Variants in CDH12 observed in about 807,000 individuals in gnomAD.
CDH12 encodes the protein cadherin 12.
CDH12 carries 41 observed loss-of-function variants against 74.1 expected under a neutral mutation model. The ratio of observed to expected loss-of-function variants is 0.55; its 90% CI spans 0.43 to 0.72. The LOEUF (loss-of-function observed/expected upper bound fraction) is 0.72, where lower values mean the gene tolerates loss of function less well. Among genes scored for constraint, CDH12 ranks in the 30% least tolerant of loss-of-function variants. The pLI is 0.00. For missense variants in CDH12, 945 were observed against 977.2 expected, an observed-to-expected ratio of 0.97 and a Z score of 0.44; for synonymous variants, 399 against 355.0, an observed-to-expected ratio of 1.12 and a Z score of -1.39.
intron 3 of CDH12, among the ~76,000 whole-genome samples, chr5:22,396,051 T>C (rs879728316): frequency 2.9e-5 from 4 of 139,554 alleles, no homozygotes; most frequent in Admixed American, 2.8e-4. Flanking sequence ...GATGATTGAA[T>C]CCTTGATTTA....
chr5:21,821,033 T>C (rs934635007), intron 8 of CDH12, among the ~76,000 whole-genome samples: 3 of 151,988 alleles, frequency 2.0e-5, no homozygotes, highest in African/African-American at 7.2e-5. Context: ...GGAAATTGCA[T>C]GCAGTGAACT....
intron 4 of CDH12, among the ~76,000 whole-genome samples, chr5:22,096,287 T>G (rs1302176784): frequency 6.6e-6 from 1 of 152,108 alleles, no homozygotes; most frequent in Admixed American, 6.5e-5. Context: ...ATCTAAATAA[T>G]TCTTGTCGTA....
chr5:22,522,872 C>A (rs984378453), intron 1 of CDH12, among the ~76,000 whole-genome samples: 1 of 152,126 alleles, frequency 6.6e-6, no homozygotes, highest in Non-Finnish European at 1.5e-5. Context: ...TGATCTCACT[C>A]CCCTAATTCC....
chr5:21,966,849 T>C (rs2150114919), intron 6 of CDH12, among the ~76,000 whole-genome samples: 2 of 152,234 alleles, frequency 1.3e-5, no homozygotes, highest in East Asian at 3.9e-4. Context: ...TAGACCTTTA[T>C]GTAATAGCAT....
intron 1 of CDH12, among the ~76,000 whole-genome samples, chr5:22,721,584 G>A (rs561256749): frequency 5.1e-4 from 77 of 152,292 alleles, no homozygotes; most frequent in African/African-American, 1.8e-3. Flanking sequence ...TTGAGACTTT[G>A]GAGGACTGTT....
At chr5:22,203,238 A>T (rs1751020979) in intron 4 of CDH12, among the ~76,000 whole-genome samples, 1 of 152,088 alleles carries the variant, frequency 6.6e-6, no homozygotes. Context: ...TTCTTTCTAT[A>T]CATCTTTTTC....
chr5:21,868,559 C>T (rs1751453575), intron 6 of CDH12, among the ~76,000 whole-genome samples: 1 of 152,204 alleles, frequency 6.6e-6, no homozygotes, highest in South Asian at 2.1e-4. Context: ...ACATTATTCT[C>T]TACCTATAAG....
intron 1 of CDH12, among the ~76,000 whole-genome samples, chr5:22,707,775 T>G (rs1292319795): frequency 6.6e-6 from 1 of 152,190 alleles, no homozygotes; most frequent in Non-Finnish European, 1.5e-5. Flanking sequence ...ATTTTACATT[T>G]TGTGCTACAC....
chr5:22,540,676 AC>A (rs938666246), intron 1 of CDH12, among the ~76,000 whole-genome samples: 1 of 152,178 alleles, frequency 6.6e-6, no homozygotes, highest in African/African-American at 2.4e-5. Context: ...GCTTCCACCT[AC>A]ACATAAATTT....
intron 1 of CDH12, among the ~76,000 whole-genome samples, chr5:22,775,585 A>G (rs1007509191): frequency 6.6e-6 from 1 of 152,124 alleles, no homozygotes; most frequent in Non-Finnish European, 1.5e-5. Flanking sequence ...TAATATTAAC[A>G]TTGGGGTAAA....
chr5:22,608,703 C>T (rs1117377), intron 1 of CDH12, among the ~76,000 whole-genome samples: 74,472 of 151,906 alleles, frequency 0.49, 18,550 homozygotes, highest in Admixed American at 0.58. Context: ...GTGGAGATAA[C>T]TGGATCAGGG....
intron 5 of CDH12, among the ~76,000 whole-genome samples, chr5:21,995,813 GCATAAAAAAAAGCC>G (rs1411007898): frequency 6.6e-6 from 1 of 151,542 alleles, no homozygotes; most frequent in African/African-American, 2.4e-5. Flanking sequence ...GATGCTGATT[GCATAAAAAAAAGCC>G]CACAACTACT....
intron 1 of CDH12, among the ~76,000 whole-genome samples, chr5:22,610,427 C>T (rs1007195849): frequency 6.6e-6 from 1 of 152,018 alleles, no homozygotes; most frequent in African/African-American, 2.4e-5. Context: ...AAAAATAAAA[C>T]CGATCTAGTA....
At chr5:21,930,988 G>A (rs1754810893) in intron 6 of CDH12, among the ~76,000 whole-genome samples, 1 of 152,084 alleles carries the variant, frequency 6.6e-6, no homozygotes, top group Non-Finnish European at 1.5e-5. Flanking sequence ...GGGGAGCTGG[G>A]GAAAACAGGT....
At chr5:21,874,007 G>A (rs1415417933) in intron 6 of CDH12, among the ~76,000 whole-genome samples, 1 of 152,098 alleles carries the variant, frequency 6.6e-6, no homozygotes, top group Non-Finnish European at 1.5e-5. Flanking sequence ...GTCTATCATT[G>A]TTGGGCATTT....
At chr5:22,191,860 G>A (rs139013646) in intron 4 of CDH12, among the ~76,000 whole-genome samples, 1 of 152,064 alleles carries the variant, frequency 6.6e-6, no homozygotes, top group East Asian at 1.9e-4. Flanking sequence ...CACCGCGCCC[G>A]GCCCACCAAT....
At chr5:21,917,343 C>T (rs188466103) in intron 6 of CDH12, among the ~76,000 whole-genome samples, 6 of 152,100 alleles carry the variant, frequency 3.9e-5, no homozygotes, top group East Asian at 1.9e-4. Flanking sequence ...AGGGTGTGGA[C>T]GGGGCATCTT....
rs77889908 is a variant in CDH12, at chr5:22,197,442, G to A, written c.-187+15056C>T. Among the ~76,000 whole-genome samples, 131 of 152,208 alleles carry A rather than the reference G, an allele frequency of 8.6e-4. 3 individuals carry two copies. The highest frequency in any genetic ancestry group is 1.7e-3 in the South Asian group (8 of 4,830). ...AGCCTGGGCAACAGAGCGAGACACCGTCTCAAAATAAATAAATAAATACAT... is the reference window on the plus strand; with the variant it reads ...AGCCTGGGCAACAGAGCGAGACACCATCTCAAAATAAATAAATAAATACAT... On this transcript the variant is annotated intron_variant, in intron 4 of 14. Transcript: ENST00000382254.
chr5:22,118,438 C>T (rs1430920534), intron 4 of CDH12, among the ~76,000 whole-genome samples: 3 of 152,014 alleles, frequency 2.0e-5, no homozygotes, highest in Non-Finnish European at 4.4e-5. Flanking sequence ...CCTCTTGTGA[C>T]TCTGGCCTAG....
Sources: gnomAD v4.1 joint callset for allele counts (sites outside exome capture counted in the v4.1 genomes callset) on GRCh38, gnomAD v4.1.1 for gene constraint, MANE v1.5 for transcripts, NCBI Gene and HGNC (gene_info 2026-07-23, HGNC 2026-07-21) for gene names.